Variants in UST observed in about 807,000 individuals in gnomAD.
UST encodes chondroitin sulfate 2-O-sulfotransferase.
In UST, 21 loss-of-function variants were observed where a neutral mutation model predicts 45.6. The ratio of observed to expected loss-of-function variants is 0.46; its 90% CI spans 0.33 to 0.66. UST has a LOEUF of 0.66. UST is among the 30% of genes least tolerant of loss of function. The pLI is 0.02. For missense variants in UST, 463 were observed against 512.4 expected (o/e 0.90, Z 0.93); for synonymous variants, 215 against 200.6 (o/e 1.07, Z -0.61).
At chr6:148,814,001 CT>C (rs1369975204) in intron 1 of UST, among the ~76,000 whole-genome samples, 1 of 152,146 alleles carries the variant, frequency 6.6e-6, no homozygotes, top group Admixed American at 6.5e-5. Context: ...TCTTTTCGGC[CT>C]TTCCAGGAAC....
chr6:148,894,979 G>A (rs1405996316), intron 2 of UST, among the ~76,000 whole-genome samples: 1 of 151,804 alleles, frequency 6.6e-6, no homozygotes, highest in East Asian at 1.9e-4. Flanking sequence ...CATCATGCCT[G>A]GCTAATTTTT....
intron 1 of UST, among the ~76,000 whole-genome samples, chr6:148,836,175 T>C (rs550696682): frequency 6.6e-6 from 1 of 152,328 alleles, no homozygotes; most frequent in Admixed American, 6.5e-5. Context: ...GCACTCTCAG[T>C]TAAGCCCTGC....
chr6:148,753,661 C>T (rs1315134669), intron 1 of UST, among the ~76,000 whole-genome samples: 1 of 152,110 alleles, frequency 6.6e-6, no homozygotes, highest in Non-Finnish European at 1.5e-5. Flanking sequence ...TTTGTTTCAA[C>T]ACCTGTTTTC....
Position 148,964,505 on chromosome 6 carries a change from G to C in UST, c.623G>C (p.Arg208Thr), listed in dbSNP as rs1463781648. ...NYFFRRFGDWRGEQNHMIRTP... is the reference protein window; with the variant it reads ...NYFFRRFGDWTGEQNHMIRTP... ...TTTTTCCGTCGCTTTGGAGACTGGA[G>C]AGGGGAACAAAATCACATGATCCGC... Residue 208 changes from arginine to threonine, a missense_variant, in exon 5 of 8, where the codon AGA becomes ACA. Physicochemically the swap from Arg to Thr is moderately conservative, Grantham distance 71. Coordinates refer to ENST00000367463, the MANE Select transcript of UST (RefSeq NM_005715.3). 6.2e-7 allele frequency: 1 copy of C among 1,614,084 alleles called. No homozygotes were observed. The highest frequency in any genetic ancestry group is 8.5e-7 in the Non-Finnish European group (1 of 1,180,050).
chr6:148,974,176 A>T (rs1374090753), intron 5 of UST, among the ~76,000 whole-genome samples: 1 of 152,222 alleles, frequency 6.6e-6, no homozygotes, highest in Non-Finnish European at 1.5e-5. Context: ...GCATGAGCTT[A>T]TTATTAAAAG....
intron 1 of UST, among the ~76,000 whole-genome samples, chr6:148,885,633 A>G (rs1778899026): frequency 6.6e-6 from 1 of 152,228 alleles, no homozygotes. Flanking sequence ...CACTGTGAAC[A>G]CCAAGTGGGC....
rs1370417302 is a variant in UST at position 149,074,569 on chromosome 6, G to A, written c.*453G>A. 2 of 165,226 alleles carry A rather than the reference G, an allele frequency of 1.2e-5. No homozygotes were observed. The highest frequency in any genetic ancestry group is 5.7e-5 in the Admixed American group (1 of 17,554). 10.2% of individuals were successfully genotyped at this position (165,226 alleles called of 1,614,324 possible). A position where few individuals can be genotyped will look rare whatever the true frequency, so the allele number is the denominator to read the frequency against. ...TCTGGAAGGATCTAAGAGAAGGTAAGACAGATTAGGACATCGAAAAGGAGG... is the reference window on the plus strand; with the variant it reads ...TCTGGAAGGATCTAAGAGAAGGTAAAACAGATTAGGACATCGAAAAGGAGG... On this transcript the variant is annotated 3_prime_UTR_variant, in exon 8 of 8. Transcript: ENST00000367463.
intron 2 of UST, among the ~76,000 whole-genome samples, chr6:148,931,579 C>T (rs10499254): frequency 0.073 from 11,139 of 152,254 alleles, 448 homozygotes; most frequent in South Asian, 0.14. Context: ...GAGAACCCTC[C>T]TACTTTCATC....
intron 1 of UST, among the ~76,000 whole-genome samples, chr6:148,769,140 A>G (rs1415577313): frequency 2.0e-5 from 3 of 152,218 alleles, no homozygotes; most frequent in Non-Finnish European, 2.9e-5. Context: ...CCTTGCACAT[A>G]CACCCTTTGG....
At chr6:149,011,859 AT>A (rs60599859) in intron 5 of UST, among the ~76,000 whole-genome samples, 38,206 of 152,124 alleles carry the variant, frequency 0.25, 4,855 homozygotes, top group South Asian at 0.35. Context: ...TTTCCCAATA[AT>A]TTTAAAGCCA....
chr6:148,922,614 CAGTACCTAGG>C (rs2114898141), intron 2 of UST, among the ~76,000 whole-genome samples: 2 of 144,276 alleles, frequency 1.4e-5, no homozygotes, highest in South Asian at 4.4e-4. Context: ...TCAGCCTCCT[CAGTACCTAGG>C]AGTACCTAGG....
intron 7 of UST, among the ~76,000 whole-genome samples, chr6:149,057,555 A>G (rs1409775534): frequency 6.6e-6 from 1 of 152,228 alleles, no homozygotes; most frequent in African/African-American, 2.4e-5. Context: ...GAAACAAGCA[A>G]AAAGGCACAT....
intron 1 of UST, among the ~76,000 whole-genome samples, chr6:148,847,430 G>C (rs1778013125): frequency 6.6e-6 from 1 of 152,222 alleles, no homozygotes; most frequent in Admixed American, 6.5e-5. Context: ...AAGGTTCCTT[G>C]CTGTTATAAA....
At chr6:148,808,586 C>T (rs1777194737) in intron 1 of UST, among the ~76,000 whole-genome samples, 1 of 151,928 alleles carries the variant, frequency 6.6e-6, no homozygotes, top group African/African-American at 2.4e-5. Context: ...GTTTCTGTCC[C>T]TCCCCAGCAG....
chr6:148,797,754 A>C (rs969798969), intron 1 of UST, among the ~76,000 whole-genome samples: 23 of 152,178 alleles, frequency 1.5e-4, no homozygotes, highest in Non-Finnish European at 2.5e-4. Context: ...CATAGGAAGG[A>C]GGGAAGGAAG....
At chr6:148,946,905 T>C (rs972043435) in intron 3 of UST, among the ~76,000 whole-genome samples, 16 of 150,124 alleles carry the variant, frequency 1.1e-4, no homozygotes, top group African/African-American at 3.5e-4. Flanking sequence ...TTGATGAATA[T>C]TTATTGAGAA....
At chr6:148,827,123 C>A (rs908050988) in intron 1 of UST, among the ~76,000 whole-genome samples, 7 of 152,194 alleles carry the variant, frequency 4.6e-5, no homozygotes, top group Non-Finnish European at 1.5e-5. Context: ...GCTTGTTGTT[C>A]TATAGTGCAT....
intron 1 of UST, among the ~76,000 whole-genome samples, chr6:148,817,588 A>C (rs1210675288): frequency 6.6e-6 from 1 of 152,222 alleles, no homozygotes; most frequent in Non-Finnish European, 1.5e-5. Flanking sequence ...AGGTAGATTT[A>C]CATTTTCTGT....
intron 1 of UST, among the ~76,000 whole-genome samples, chr6:148,839,153 A>T (rs1777845487): frequency 6.6e-6 from 1 of 152,132 alleles, no homozygotes; most frequent in African/African-American, 2.4e-5. Flanking sequence ...AGCCTCTTGC[A>T]CTCGGCCGCA....
Sources: allele counts gnomAD v4.1 joint callset (sites outside exome capture counted in the v4.1 genomes callset), GRCh38; gene constraint gnomAD v4.1.1; transcripts MANE v1.5; gene names NCBI Gene and HGNC (gene_info 2026-07-23, HGNC 2026-07-21).